NUP54: variants seen among roughly 807,000 people sequenced by gnomAD.
The protein encoded by NUP54 is nucleoporin 54.
In NUP54, 27 loss-of-function variants were observed where a neutral mutation model predicts 66.4. The ratio of observed to expected loss-of-function variants is 0.41; its 90% CI spans 0.30 to 0.56. The LOEUF (loss-of-function observed/expected upper bound fraction) is 0.56, where lower values mean the gene tolerates loss of function less well. Ranked by LOEUF, NUP54 falls within the 20% of genes least tolerant of loss-of-function variation. The pLI, the probability that NUP54 is intolerant of heterozygous loss-of-function variation, is 0.34. For synonymous variants in NUP54, 206 were observed against 210.7 expected (o/e 0.98, Z 0.19); for missense variants, 486 against 596.3 (o/e 0.82, Z 1.93).
At chr4:76,133,671 T>C (rs567280084) in intron 5 of NUP54, among the ~76,000 whole-genome samples, 3 of 152,322 alleles carry the variant, frequency 2.0e-5, no homozygotes, top group East Asian at 3.9e-4. Context: ...TTATTTACTA[T>C]AGGAAATTCT....
intron 9 of NUP54, among the ~76,000 whole-genome samples, chr4:76,119,192 A>G (rs1450660553): frequency 6.6e-6 from 1 of 152,208 alleles, no homozygotes; most frequent in Non-Finnish European, 1.5e-5. Context: ...AGCAAAATGT[A>G]CTTGTTAAGA....
At chr4:76,122,932 T>C (rs1730297480) in intron 9 of NUP54, among the ~76,000 whole-genome samples, 1 of 152,182 alleles carries the variant, frequency 6.6e-6, no homozygotes, top group Non-Finnish European at 1.5e-5. Flanking sequence ...TTTGAAAACA[T>C]TATGCTAAGT....
intron 4 of NUP54, among the ~76,000 whole-genome samples, chr4:76,135,404 T>G (rs535174851): frequency 1.1e-4 from 17 of 152,260 alleles, no homozygotes; most frequent in Non-Finnish European, 2.5e-4. Context: ...AACTTATGTC[T>G]ATTATTGAAT....
At chr4:76,138,867 G>A (rs888860252) in intron 3 of NUP54, among the ~76,000 whole-genome samples, 4 of 152,148 alleles carry the variant, frequency 2.6e-5, no homozygotes, top group Non-Finnish European at 5.9e-5. Context: ...TGTCACAGAA[G>A]TTAAGGTCTC....
chr4:76,124,317 T>A (rs1409516172), intron 9 of NUP54, among the ~76,000 whole-genome samples: 1 of 152,152 alleles, frequency 6.6e-6, no homozygotes, highest in Non-Finnish European at 1.5e-5. Context: ...CTCAAAAAAT[T>A]TTCTGAACTA....
rs1027590712 is a variant in NUP54, at chr4:76,136,541, T to C, written c.296-129A>G. On this transcript the variant is annotated intron_variant, in intron 3 of 11. Coordinates refer to ENST00000264883, the MANE Select transcript of NUP54 (RefSeq NM_017426.4). ...TATCCTAATCTACAGAACCTATAAA[T>C]ATGTTATCTTACATAGCAAAAGGGC... 7 of 639,398 alleles carry C rather than the reference T, an allele frequency of 1.1e-5. No homozygotes were observed. The African/African-American group carries it at 1.3e-4, about 12-fold the overall frequency. 39.6% of individuals were successfully genotyped at this position (639,398 alleles called of 1,614,324 possible). A position where few individuals can be genotyped will look rare whatever the true frequency, so the allele number is the denominator to read the frequency against.
intron 3 of NUP54, among the ~76,000 whole-genome samples, chr4:76,143,306 TAAA>T (rs1731343505): frequency 6.6e-6 from 1 of 151,964 alleles, no homozygotes; most frequent in Non-Finnish European, 1.5e-5. Flanking sequence ...TTCAACAAAT[TAAA>T]AAATAAAAAA....
At chr4:76,130,463 T>C (rs561367756) in intron 8 of NUP54, among the ~76,000 whole-genome samples, 193 bp downstream of exon 8, 6 of 152,328 alleles carry the variant, frequency 3.9e-5, no homozygotes, top group Non-Finnish European at 8.8e-5. Context: ...TTCATTATTA[T>C]ATCAAATCAG....
Position 76,117,716 on chromosome 4 carries a change from C to G in NUP54, c.1343G>C (p.Arg448Thr). The part of the protein sequence containing the change: ...IRMQNHFGAV[R>T]SEERYYIDAD... ...ATCTATGTAATACCTTTCTTCAGAT[C>G]TGACTGCTCCAAAATGATTCTGCAT... The change falls in exon 11 of 12, where the codon AGA becomes ACA. Residue 448 changes from arginine to threonine, a missense_variant. Transcript: ENST00000264883. The G allele has an allele frequency of 6.2e-7, 1 of 1,614,018 alleles. No individual in the cohort carries two copies. Among genetic ancestry groups the G allele is most frequent in the Admixed American group, 1.7e-5 (1 of 60,014 alleles).
chr4:76,129,881 AAAAAAAACCTTAGC>A (rs1578679376), intron 8 of NUP54, among the ~76,000 whole-genome samples: 1 of 144,980 alleles, frequency 6.9e-6, no homozygotes, highest in Non-Finnish European at 1.5e-5. Context: ...AAAAAAAAAA[AAAAAAAACCTTAGC>A]AAAGTTAAAA....
rs1729894807 is a variant in NUP54 at position 76,115,212 on chromosome 4, T to C, written c.*154A>G. 1 of 554,238 alleles carries C rather than the reference T, an allele frequency of 1.8e-6. No individual in the cohort carries two copies. The allele number at this position is 554,238 out of a possible 1,614,324, so 34.3% of individuals were successfully genotyped here. On this transcript the variant is annotated 3_prime_UTR_variant, in exon 12 of 12. Transcript: ENST00000264883. ...AGCTGTGAGGTGACTATTTCAGATT[T>C]GATGAACAGTAATTTGTCAGTAAAC... is the stretch of plus-strand genomic sequence containing the variant.
chr4:76,128,687 G>C (rs1730649670), intron 8 of NUP54, among the ~76,000 whole-genome samples: 1 of 152,192 alleles, frequency 6.6e-6, no homozygotes, highest in African/African-American at 2.4e-5. Flanking sequence ...CAGATGAATG[G>C]ATAAAGAAAA....
At chr4:76,128,460 C>G (rs777841936) in intron 8 of NUP54, among the ~76,000 whole-genome samples, 3 of 137,604 alleles carry the variant, frequency 2.2e-5, no homozygotes, top group Non-Finnish European at 4.7e-5. Context: ...GAATGAAAAA[C>G]AGAGGCTACA....
In NUP54 at chr4:76,124,652, T is replaced by C. The variant is rs1424818160; in HGVS notation, c.1161A>G (p.Leu387=). 1.3e-6 allele frequency: 2 copies of C among 1,533,374 alleles called. No individual in the cohort carries two copies. Among genetic ancestry groups the C allele is most frequent in the Admixed American group, 1.7e-5 (1 of 59,048 alleles). The allele number at this position is 1,533,374 out of a possible 1,614,324, so 95.0% of individuals were successfully genotyped here. ...RKLMDLSHRT[L]QVLIKQEIQR... is the part of the protein sequence containing the mutation. ...GGGGGAAAATCCAAATTACTACCTG[T>C]AAAGTTCTATGGGAAAGATCCATGA... Residue 387 remains leucine (L), a synonymous_variant, in exon 9 of 12, where the codon TTA becomes TTG. Transcript: ENST00000264883.
chr4:76,125,486 T>G (rs1287308511), intron 8 of NUP54, among the ~76,000 whole-genome samples: 1 of 148,586 alleles, frequency 6.7e-6, no homozygotes, highest in South Asian at 2.1e-4. Context: ...ATATAAAAAA[T>G]TAACCAGGTG....
intron 1 of NUP54, chr4:76,147,969 G>A: frequency 6.0e-6 from 2 of 334,320 alleles, no homozygotes; most frequent in South Asian, 5.4e-5. Context: ...AGGAGGCTGA[G>A]GTGCAGAGGG....
At chr4:76,148,071 G>A (rs943944259) in intron 1 of NUP54, 8 of 422,728 alleles carry the variant, frequency 1.9e-5, no homozygotes, top group African/African-American at 1.6e-4. Context: ...GCTCAAGCCA[G>A]GGCCCTGTGG....
chr4:76,130,363 T>C (rs1730748617), intron 8 of NUP54, among the ~76,000 whole-genome samples: 2 of 152,174 alleles, frequency 1.3e-5, no homozygotes, highest in African/African-American at 4.8e-5. Flanking sequence ...TAACCTTCAT[T>C]TTCATAAGGC....
intron 3 of NUP54, among the ~76,000 whole-genome samples, chr4:76,143,786 C>T (rs11736405): frequency 0.13 from 20,012 of 152,116 alleles, 1,544 homozygotes; most frequent in East Asian, 0.35. Flanking sequence ...ATGTGGTAGG[C>T]TTCTGAACTG....
Sources: allele counts gnomAD v4.1 joint callset (sites outside exome capture counted in the v4.1 genomes callset), GRCh38; gene constraint gnomAD v4.1.1; transcripts MANE v1.5; gene names NCBI Gene and HGNC (gene_info 2026-07-23, HGNC 2026-07-21).